The following CTR9 variants were observed in gnomAD, a reference collection of about 807,000 sequenced individuals.
CTR9 encodes RNA polymerase-associated protein CTR9 homolog.
Under a neutral mutation model 152.1 loss-of-function variants are expected in CTR9, and 41 were observed. The ratio of observed to expected loss-of-function variants is 0.27; its 90% CI spans 0.21 to 0.35. The LOEUF (loss-of-function observed/expected upper bound fraction) is 0.35. Among genes scored for constraint, CTR9 ranks in the 10% least tolerant of loss-of-function variants. The pLI is 1.00. For missense variants in CTR9, 917 were observed against 1,424.4 expected, an observed-to-expected ratio of 0.64 and a Z score of 5.73; for synonymous variants, 476 against 496.2, an observed-to-expected ratio of 0.96 and a Z score of 0.54.
intron 5 of CTR9, 50 bp from the exon 6 acceptor site, chr11:10,760,123 A>G: frequency 4.4e-6 from 7 of 1,590,306 alleles, no homozygotes; most frequent in Non-Finnish European, 6.0e-6. Flanking sequence ...TTTGTAATTG[A>G]ACTCTAAAAA....
chr11:10,771,447 C>G, intron 18 of CTR9, 98 bp from the exon 19 acceptor site: 1 of 837,054 alleles, frequency 1.2e-6, no homozygotes, highest in Non-Finnish European at 1.9e-6. Context: ...ATATGCAAAC[C>G]TTTTCTCAGA....
At chr11:10,763,571 T>G (rs760297377) in intron 8 of CTR9, 33 bp downstream of exon 8, 10 of 1,571,714 alleles carry the variant, frequency 6.4e-6, no homozygotes, top group Non-Finnish European at 8.6e-6. Context: ...TGTCTAATCT[T>G]TTTACTTATA....
At chr11:10,757,866 AG>A (rs1186545315) in intron 5 of CTR9, among the ~76,000 whole-genome samples, 1 of 152,224 alleles carries the variant, frequency 6.6e-6, no homozygotes, top group Non-Finnish European at 1.5e-5. Context: ...GAGAAGCATC[AG>A]GAATTGCTTA....
intron 22 of CTR9, among the ~76,000 whole-genome samples, chr11:10,774,635 A>G (rs991054934): frequency 2.6e-5 from 4 of 152,218 alleles, no homozygotes; most frequent in African/African-American, 4.8e-5. Context: ...TGCTGTTAAG[A>G]TCAAGGATGC....
chr11:10,778,095 G>GC (rs1863270880), intron 24 of CTR9, among the ~76,000 whole-genome samples: 1 of 152,216 alleles, frequency 6.6e-6, no homozygotes, highest in Admixed American at 6.5e-5. Flanking sequence ...GGCCCCTTTA[G>GC]CCCCAGTTCC....
chr11:10,777,408 A>C (rs536837596), intron 24 of CTR9, among the ~76,000 whole-genome samples: 18 of 150,660 alleles, frequency 1.2e-4, no homozygotes, highest in South Asian at 4.2e-4. Flanking sequence ...AAATAAACAA[A>C]CAAAAAAAGA....
At chr11:10,770,681 A>G (rs754924630) in intron 18 of CTR9, 49 bp downstream of exon 18, 3 of 1,545,816 alleles carry the variant, frequency 1.9e-6, no homozygotes, top group East Asian at 4.5e-5. Flanking sequence ...TTGGTCTATG[A>G]CCATACCATC....
rs1863170627 is a variant in CTR9, at chr11:10,773,153, A to G, written c.2607A>G (p.Glu869=). ...AAGAGAAACGTCTCAGAGAAAAGGA[A>G]GAGCAAAAGAAACTTTTGGAACAGC... is the stretch of plus-strand genomic sequence containing the variant. ...EQEEKRLREK[E]EQKKLLEQRA... is the part of the protein sequence containing the mutation. Residue 869 remains glutamate, a synonymous_variant, in exon 21 of 25, where the codon GAA becomes GAG. Coordinates refer to ENST00000361367, the MANE Select transcript of CTR9 (RefSeq NM_014633.5). The G allele has an allele frequency of 3.7e-6, 6 of 1,607,082 alleles. No homozygotes were observed. The highest frequency in any genetic ancestry group is 5.1e-6 in the Non-Finnish European group (6 of 1,178,560).
rs1239424770 is a variant in CTR9, at chr11:10,767,041, A to T, written c.1686+551A>T. 6.6e-6 allele frequency: 1 copy of T among 152,632 alleles called. No homozygotes were observed. The highest frequency in any genetic ancestry group is 1.9e-4 in the East Asian group (1 of 5,212). 9.5% of individuals were successfully genotyped at this position (152,632 alleles called of 1,614,324 possible). A position where few individuals can be genotyped will look rare whatever the true frequency, so the allele number is the denominator to read the frequency against. On this transcript the variant is annotated intron_variant, in intron 13 of 24. Transcript: ENST00000361367. This position sits in a 1 kb window ranked among gnomAD's most constrained non-coding sequence, Gnocchi z 4.0. ...TACACTGATATTTTTACTTTATTCC[A>T]TTCTGTTGCATTTACTATGCAGATA... is the stretch of plus-strand genomic sequence containing the variant.
rs2135383814 is a variant in CTR9 at position 10,774,122 on chromosome 11, A to G, written c.2838A>G (p.Glu946=). ...GAAAGGGTAGTGGCAGTGAACAAGA[A>G]GGTGAAGATGAGGAGGGTGGTGAGA... ...KRRKGSGSEQ[E]GEDEEGGERK... is the part of the protein sequence containing the mutation. The change falls in exon 22 of 25, where the codon GAA becomes GAG. Residue 946 remains glutamate (E), a synonymous_variant. Transcript: ENST00000361367. 1 of 1,605,700 alleles carries G rather than the reference A, an allele frequency of 6.2e-7. No individual in the cohort carries two copies. The highest frequency in any genetic ancestry group is 8.5e-7 in the Non-Finnish European group (1 of 1,172,280).
intron 20 of CTR9, 66 bp downstream of exon 20, chr11:10,772,721 T>TA (rs533956415): frequency 2.5e-3 from 3,218 of 1,290,758 alleles, no homozygotes; most frequent in South Asian, 5.3e-3. Flanking sequence ...TTTGTATGTT[T>TA]AAAAAAAAAA....
rs866375912 is a variant in CTR9, at chr11:10,769,030, G to A, written c.2109+539G>A. On this transcript the variant is annotated intron_variant, in intron 16 of 24. Transcript: ENST00000361367. ...GAGGTCAGGAGTTCGAGACCAGCCT[G>A]GCCAACATGGTGAAACCCTGTCTCT... Among the ~76,000 whole-genome samples, 57 of 152,202 alleles carry A rather than the reference G, an allele frequency of 3.7e-4. No homozygotes were observed. The Middle Eastern group carries it at 0.014, about 36-fold the overall frequency.
At chr11:10,760,892 C>T (rs910885940) in intron 6 of CTR9, among the ~76,000 whole-genome samples, 2 of 152,146 alleles carry the variant, frequency 1.3e-5, no homozygotes, top group African/African-American at 2.4e-5. Context: ...AAGATGGCTG[C>T]AGCATCTCCA....
intron 21 of CTR9, 64 bp from the exon 22 acceptor site, chr11:10,773,948 T>C: frequency 8.6e-7 from 1 of 1,167,352 alleles, no homozygotes; most frequent in Non-Finnish European, 1.2e-6. Flanking sequence ...TTTCTGTACC[T>C]TAGCATTCTA....
chr11:10,778,996 C>T lies in CTR9; in HGVS notation c.3413C>T (p.Ser1138Phe). Residue 1138 changes from serine (S) to phenylalanine (F), a missense_variant, in exon 25 of 25, where the codon TCT becomes TTT. This residue lies in a region of CTR9 where 384 missense variants were observed against 398.4 expected (regional missense o/e 0.96). Transcript: ENST00000361367. ...TCAGATCACGAATCGGAGAGAGGAT[C>T]TGATAATGAGGGTTCTGGCCAAGGC... ...AESDHESERG[S>F]DNEGSGQGSG... is the part of the protein sequence containing the mutation. 1 of 1,614,148 alleles carries T rather than the reference C, an allele frequency of 6.2e-7. No individual in the cohort carries two copies. The highest frequency in any genetic ancestry group is 1.1e-5 in the South Asian group (1 of 91,076).
At position 10,773,949 on chromosome 11, in the gene CTR9, T is replaced by C. The variant is rs189611479; in HGVS notation, c.2728-63T>C. Reference sequence around the variant, plus strand: ...ATGGATATGGCCCCTTTCTGTACCTTAGCATTCTAACCACATTCCACCAAC... The same window carrying C: ...ATGGATATGGCCCCTTTCTGTACCTCAGCATTCTAACCACATTCCACCAAC... On this transcript the variant is annotated intron_variant, in intron 21 of 24. Transcript: ENST00000361367. The C allele has an allele frequency of 2.2e-3, 2,668 of 1,191,342 alleles. 12 individuals carry two copies. Among genetic ancestry groups the C allele is most frequent in the Non-Finnish European group, 1.9e-3 (1,598 of 837,130 alleles). 73.8% of individuals were successfully genotyped at this position (1,191,342 alleles called of 1,614,324 possible).
At chr11:10,752,531 T>A in intron 1 of CTR9, 141 bp from the exon 2 acceptor site, 1 of 615,584 alleles carries the variant, frequency 1.6e-6, no homozygotes, top group Non-Finnish European at 2.9e-6. Flanking sequence ...CCTTAAACAT[T>A]AACATGGATT....
At chr11:10,761,882 A>T (rs1862984169) in intron 6 of CTR9, 65 bp from the exon 7 acceptor site, 1 of 1,054,538 alleles carries the variant, frequency 9.5e-7, no homozygotes, top group Non-Finnish European at 1.4e-6. Context: ...GACTAAAGAA[A>T]ACTTCTTGAA....
chr11:10,760,797 C>T lies in CTR9; in HGVS notation c.741+476C>T, dbSNP rs1453113422. On this transcript the variant is annotated intron_variant, in intron 6 of 24. Transcript: ENST00000361367. Reference sequence around the variant, plus strand: ...GGTCTCAAATTTGATAGGTCCTTGTCGTCAAACCTATGATTTTATATAATT... The same window carrying T: ...GGTCTCAAATTTGATAGGTCCTTGTTGTCAAACCTATGATTTTATATAATT... Among the ~76,000 whole-genome samples the T allele has an allele frequency of 2.6e-5, 4 of 152,102 alleles. No homozygotes were observed. The South Asian group carries it at 8.3e-4, about 32-fold the overall frequency.
Sources: gnomAD v4.1 joint callset for allele counts (sites outside exome capture counted in the v4.1 genomes callset) on GRCh38, gnomAD v4.1.1 for gene constraint, gnomAD v4.1.1 regional missense constraint, Gnocchi (gnomAD v3.1) non-coding constraint, MANE v1.5 for transcripts, NCBI Gene and HGNC (gene_info 2026-07-23, HGNC 2026-07-21) for gene names.